Variants in LPGAT1 observed in about 807,000 individuals in gnomAD.
The protein encoded by LPGAT1 is lysophosphatidylglycerol acyltransferase 1, also known as acyl-CoA:lysophosphatidylglycerol acyltransferase 1.
A neutral mutation model predicts 47.5 loss-of-function variants in LPGAT1; 11 were observed. That is an observed-to-expected ratio of 0.23 (90% CI 0.15 to 0.38). The LOEUF is 0.38. Ranked by LOEUF, LPGAT1 falls within the 10% of genes least tolerant of loss-of-function variation. LPGAT1 has a pLI of 1.00. For synonymous variants in LPGAT1, 138 were observed against 144.2 expected (o/e 0.96, Z 0.31); for missense variants, 293 against 439.0 (o/e 0.67, Z 2.97).
At chr1:211,805,484 T>C (rs1207264562) in intron 2 of LPGAT1, among the ~76,000 whole-genome samples, 1 of 152,178 alleles carries the variant, frequency 6.6e-6, no homozygotes, top group Non-Finnish European at 1.5e-5. Context: ...CAAAAAATTG[T>C]AAGTAGAACC....
chr1:211,805,847 C>CAAA (rs2102578116), intron 2 of LPGAT1, among the ~76,000 whole-genome samples: 1 of 152,280 alleles, frequency 6.6e-6, no homozygotes, highest in East Asian at 1.9e-4. Context: ...ACAAAAGCTA[C>CAAA]AGACTAAAAC....
intron 2 of LPGAT1, among the ~76,000 whole-genome samples, chr1:211,816,049 G>A (rs906796418): frequency 1.3e-5 from 2 of 151,998 alleles, no homozygotes; most frequent in African/African-American, 4.8e-5. Context: ...CCAAAGTGCT[G>A]GGATTACAGG....
intron 2 of LPGAT1, among the ~76,000 whole-genome samples, chr1:211,794,050 C>A (rs1659250114): frequency 6.6e-6 from 1 of 152,158 alleles, no homozygotes. Context: ...TGAAAAACGT[C>A]TAGAAAAATA....
At chr1:211,784,490 CAAAAAAAA>C (rs373021672) in intron 4 of LPGAT1, among the ~76,000 whole-genome samples, 9 of 112,538 alleles carry the variant, frequency 8.0e-5, no homozygotes, top group Admixed American at 4.7e-4. Flanking sequence ...GACCCTGTCT[CAAAAAAAA>C]AAAAAAAAAG....
chr1:211,805,109 T>A (rs1571750791), intron 2 of LPGAT1, among the ~76,000 whole-genome samples: 3 of 72,880 alleles, frequency 4.1e-5, no homozygotes, highest in African/African-American at 1.0e-4. Flanking sequence ...CAGAAATCAA[T>A]GAAATGAAAA....
intron 2 of LPGAT1, among the ~76,000 whole-genome samples, chr1:211,824,104 A>G (rs1277037793): frequency 6.6e-6 from 1 of 152,184 alleles, no homozygotes; most frequent in Non-Finnish European, 1.5e-5. Context: ...AAGGAAAAAG[A>G]GAACATTCAG....
chr1:211,822,904 G>C (rs1425627877), intron 2 of LPGAT1, among the ~76,000 whole-genome samples: 1 of 152,074 alleles, frequency 6.6e-6, no homozygotes, highest in Non-Finnish European at 1.5e-5. Flanking sequence ...CATGAGTAGA[G>C]AGCCTTAAGG....
rs1467287973 is a variant in LPGAT1 at position 211,783,280 on chromosome 1, C to T, written c.676G>A (p.Val226Ile). 3 of 1,614,174 alleles carry T rather than the reference C, an allele frequency of 1.9e-6. No homozygotes were observed. The highest frequency in any genetic ancestry group is 1.1e-5 in the South Asian group (1 of 91,084). ...GGACTTCCATTTTTCTGTTGTGCTA[C>T]AAGTGCATTCAAAATAATTTTTGTT... The part of the protein sequence containing the change: ...GATKIILNAL[V>I]AQQKNGSPAG... The change falls in exon 5 of 8, where the codon GTA (valine) becomes ATA (isoleucine). Residue 226 changes from valine to isoleucine, a missense_variant. Coordinates refer to ENST00000366997, the MANE Select transcript of LPGAT1 (RefSeq NM_014873.3).
chr1:211,802,973 G>A (rs1014610540), intron 2 of LPGAT1: 4 of 152,100 alleles, frequency 2.6e-5, no homozygotes, highest in African/African-American at 7.2e-5. Flanking sequence ...AAATATTGTA[G>A]AGATTATTAT....
At chr1:211,822,631 A>G (rs1660401844) in intron 2 of LPGAT1, among the ~76,000 whole-genome samples, 1 of 152,020 alleles carries the variant, frequency 6.6e-6, no homozygotes, top group Non-Finnish European at 1.5e-5. Context: ...ACAAAAAATT[A>G]GCCAGGCATG....
Position 211,777,237 on chromosome 1 carries a change from G to A in LPGAT1, c.854+1681C>T, listed in dbSNP as rs544036411. ...CCAAATCCCCTCTCACAAGTTTCTTGCAAAACCACAGTACTATCCTGACAC... is the reference window on the plus strand; with the variant it reads ...CCAAATCCCCTCTCACAAGTTTCTTACAAAACCACAGTACTATCCTGACAC... On this transcript the variant is annotated intron_variant, in intron 6 of 7. Coordinates refer to ENST00000366997, the MANE Select transcript of LPGAT1 (RefSeq NM_014873.3). 3.9e-5 allele frequency among the ~76,000 whole-genome samples: 6 copies of A among 152,132 alleles called. No homozygotes were observed. The South Asian group carries it at 1.2e-3, about 32-fold the overall frequency.
intron 6 of LPGAT1, among the ~76,000 whole-genome samples, chr1:211,776,127 A>G (rs1658389936): frequency 6.6e-6 from 1 of 151,996 alleles, no homozygotes; most frequent in Non-Finnish European, 1.5e-5. Context: ...TTTACCAACT[A>G]CATTATTTCT....
chr1:211,830,053 A>G lies in LPGAT1; in HGVS notation c.-28+520T>C. ...AGAATGAGATTTCCGACCAGAGGGC[A>G]AGGAAGCAGGGGATGATGAAAGGGG... On this transcript the variant is annotated intron_variant, in intron 1 of 7. Coordinates refer to ENST00000366997, the MANE Select transcript of LPGAT1 (RefSeq NM_014873.3). The surrounding 1 kb of genome is among the most constrained non-coding windows in gnomAD (Gnocchi z 5.9). 1.0e-6 allele frequency: 1 copy of G among 985,638 alleles called. No individual in the cohort carries two copies. The highest frequency in any genetic ancestry group is 1.2e-6 in the Non-Finnish European group (1 of 830,306). The allele number at this position is 985,638 out of a possible 1,614,324, so 61.1% of individuals were successfully genotyped here. A position where few individuals can be genotyped will look rare whatever the true frequency, so the allele number is the denominator to read the frequency against.
chr1:211,805,687 T>A (rs1001669250), intron 2 of LPGAT1, among the ~76,000 whole-genome samples: 5 of 152,292 alleles, frequency 3.3e-5, no homozygotes, highest in East Asian at 3.9e-4. Context: ...TTGGCCCAGA[T>A]GGTTTCACTG....
At position 211,830,499 on chromosome 1, in the gene LPGAT1, C is replaced by T. The variant is rs901065323; in HGVS notation, c.-28+74G>A. On this transcript the variant is annotated intron_variant, in intron 1 of 7. Transcript: ENST00000366997. This position sits in a 1 kb window ranked among gnomAD's most constrained non-coding sequence, Gnocchi z 5.9. The stretch of plus-strand genomic sequence containing the variant: ...GGCCACGCGACGACGACACCCCCTT[C>T]CCCGCCCCCAGCGCCTCCCCTGGCC... The T allele has an allele frequency of 5.9e-6, 7 of 1,194,362 alleles. No homozygotes were observed. Among genetic ancestry groups the T allele is most frequent in the Non-Finnish European group, 7.3e-6 (7 of 962,970 alleles). 74.0% of individuals were successfully genotyped at this position (1,194,362 alleles called of 1,614,324 possible).
intron 2 of LPGAT1, among the ~76,000 whole-genome samples, chr1:211,822,594 T>C (rs1430619422): frequency 6.6e-6 from 1 of 151,876 alleles, no homozygotes; most frequent in Non-Finnish European, 1.5e-5. Flanking sequence ...CTGGCAAACA[T>C]GGTGAAACCC....
intron 2 of LPGAT1, among the ~76,000 whole-genome samples, chr1:211,822,502 C>A (rs1280988645): frequency 6.6e-6 from 1 of 152,106 alleles, no homozygotes; most frequent in African/African-American, 2.4e-5. Context: ...GTCGGCCAGG[C>A]GCAGTGACTC....
At chr1:211,754,711 C>CAT (rs905344178) in intron 6 of LPGAT1, among the ~76,000 whole-genome samples, 2 of 152,116 alleles carry the variant, frequency 1.3e-5, no homozygotes, top group African/African-American at 4.8e-5. Flanking sequence ...TATAATGATG[C>CAT]ATACCATTAT....
chr1:211,796,219 G>C (rs771510612), intron 2 of LPGAT1, among the ~76,000 whole-genome samples: 5 of 152,042 alleles, frequency 3.3e-5, no homozygotes, highest in Non-Finnish European at 7.4e-5. Flanking sequence ...ATTGAATTTG[G>C]AACCCTCTGT....
Sources: gnomAD v4.1 joint callset for allele counts (sites outside exome capture counted in the v4.1 genomes callset) on GRCh38, gnomAD v4.1.1 for gene constraint, Gnocchi (gnomAD v3.1) non-coding constraint, MANE v1.5 for transcripts, NCBI Gene and HGNC (gene_info 2026-07-23, HGNC 2026-07-21) for gene names.